CROT: variants seen among roughly 807,000 people sequenced by gnomAD.
CROT encodes the protein carnitine O-octanoyltransferase, also known as peroxisomal carnitine O-octanoyltransferase.
Under a neutral mutation model 89.2 loss-of-function variants are expected in CROT, and 84 were observed. The observed-to-expected ratio is 0.94, with a 90% CI of 0.79 to 1.13. CROT has a LOEUF of 1.13. CROT is among the 50% of genes most tolerant of loss of function. CROT has a pLI of 0.00. For missense variants in CROT, 711 were observed against 727.8 expected, an observed-to-expected ratio of 0.98 and a Z score of 0.27; for synonymous variants, 212 against 239.5, an observed-to-expected ratio of 0.89 and a Z score of 1.06.
At chr7:87,346,992 C>T (rs1805702837) in intron 2 of CROT, among the ~76,000 whole-genome samples, 1 of 152,202 alleles carries the variant, frequency 6.6e-6, no homozygotes, top group Non-Finnish European at 1.5e-5. Context: ...GTAGAATTCA[C>T]ACTGACATTT....
chr7:87,370,729 G>T (rs1806605291), intron 7 of CROT, among the ~76,000 whole-genome samples: 1 of 152,076 alleles, frequency 6.6e-6, no homozygotes, highest in Non-Finnish European at 1.5e-5. Context: ...CCTTCCCAGG[G>T]GCAGTCATTT....
At chr7:87,393,148 T>C in intron 17 of CROT, 81 bp downstream of exon 17, 2 of 1,427,610 alleles carry the variant, frequency 1.4e-6, no homozygotes, top group Non-Finnish European at 1.9e-6. Context: ...TTTCCTACAC[T>C]GTGATTCTTA....
chr7:87,371,097 C>G (rs927673791), intron 7 of CROT, among the ~76,000 whole-genome samples: 2 of 152,158 alleles, frequency 1.3e-5, no homozygotes, highest in African/African-American at 4.8e-5. Flanking sequence ...GTTTATTAAT[C>G]TTTTAATCTT....
In CROT at chr7:87,348,895, T is replaced by C. The variant is rs558249553; in HGVS notation, c.-21-153T>C. Among the ~76,000 whole-genome samples, 184 of 152,366 alleles carry C rather than the reference T, an allele frequency of 1.2e-3. 1 individual carries two copies. Among genetic ancestry groups the C allele is most frequent in the Non-Finnish European group, 2.3e-3 (157 of 68,024 alleles). On this transcript the variant is annotated intron_variant, in intron 2 of 17. Coordinates refer to ENST00000331536, the MANE Select transcript of CROT (RefSeq NM_021151.4). ...ATTCTTTTTAAGTTGGTTTTCTCTA[T>C]CTGACAGATTTATAAATTTCATAAA... is the stretch of plus-strand genomic sequence containing the variant.
At chr7:87,378,346 CAAAA>C (rs33929613) in intron 10 of CROT, among the ~76,000 whole-genome samples, 3 of 132,884 alleles carry the variant, frequency 2.3e-5, no homozygotes, top group Admixed American at 7.6e-5. Flanking sequence ...ACTCCGACTC[CAAAA>C]AAAAAAAAAA....
At chr7:87,364,381 C>T (rs1293436046) in intron 6 of CROT, among the ~76,000 whole-genome samples, 1 of 152,102 alleles carries the variant, frequency 6.6e-6, no homozygotes, top group African/African-American at 2.4e-5. Flanking sequence ...ACAGTGGTCT[C>T]CCAGAGGCCA....
rs1807698339 is a variant in CROT, at chr7:87,399,743, T to C, written c.*1099T>C. The C allele has an allele frequency of 6.6e-6, 1 of 152,246 alleles. No individual in the cohort carries two copies. The highest frequency in any genetic ancestry group is 1.5e-5 in the Non-Finnish European group (1 of 68,050). 9.4% of individuals were successfully genotyped at this position (152,246 alleles called of 1,614,324 possible). ...TTTTTACTCTCAAAAAATGAAATTC[T>C]CAAAATTATATAGCTTTTTGTTTTG... is the stretch of plus-strand genomic sequence containing the variant. On this transcript the variant is annotated 3_prime_UTR_variant, in exon 18 of 18. Transcript: ENST00000331536.
chr7:87,394,263 C>CTAA (rs1807455117), intron 17 of CROT, among the ~76,000 whole-genome samples: 1 of 152,148 alleles, frequency 6.6e-6, no homozygotes, highest in East Asian at 1.9e-4. Context: ...TCACATAATG[C>CTAA]TAATCATCTC....
Position 87,361,951 on chromosome 7 carries a change from T to G in CROT, c.547+99T>G. 2.7e-6 allele frequency: 3 copies of G among 1,095,022 alleles called. No homozygotes were observed. In the South Asian group the frequency reaches 6.6e-5, roughly 24 times the overall value. 67.8% of individuals were successfully genotyped at this position (1,095,022 alleles called of 1,614,324 possible). A position where few individuals can be genotyped will look rare whatever the true frequency, so the allele number is the denominator to read the frequency against. Reference sequence around the variant, plus strand: ...ATACACTTTTGAAGAATATTACTGTTGGGACTTTGACAAAGAAAGGTTTTC... The same window carrying G: ...ATACACTTTTGAAGAATATTACTGTGGGGACTTTGACAAAGAAAGGTTTTC... On this transcript the variant is annotated intron_variant, in intron 6 of 17. Coordinates refer to ENST00000331536, the MANE Select transcript of CROT (RefSeq NM_021151.4).
At position 87,375,726 on chromosome 7, in the gene CROT, G is replaced by A. The variant is rs540964492; in HGVS notation, c.750+1G>A. The A allele has an allele frequency of 1.2e-6, 2 of 1,613,274 alleles. No individual in the cohort carries two copies. The highest frequency in any genetic ancestry group is 2.2e-5 in the South Asian group (2 of 91,048). On this transcript the variant is annotated splice_donor_variant, in intron 8 of 17. Transcript: ENST00000331536. LOFTEE classifies it high-confidence loss of function. Reference sequence around the variant, plus strand: ...TGAGGAGCGAACTCGATGGGCTAAGGTTCTGATTTACACTTTTCTTAACGA... The same window carrying A: ...TGAGGAGCGAACTCGATGGGCTAAGATTCTGATTTACACTTTTCTTAACGA...
At chr7:87,374,517 T>G (rs1023587337) in intron 7 of CROT, among the ~76,000 whole-genome samples, 8 of 151,960 alleles carry the variant, frequency 5.3e-5, no homozygotes, top group African/African-American at 1.9e-4. Flanking sequence ...AATTCAGAGT[T>G]TATGCTAGTA....
intron 9 of CROT, 53 bp downstream of exon 9, chr7:87,376,006 CAT>C (rs1806803001): frequency 6.7e-7 from 1 of 1,486,998 alleles, no homozygotes; most frequent in African/African-American, 1.4e-5. Context: ...CTGGAAGACT[CAT>C]ATTTATTGAA....
At position 87,377,459 on chromosome 7, in the gene CROT, A is replaced by G. The variant is rs755074315; in HGVS notation, c.978+9A>G. 3 of 1,502,424 alleles carry G rather than the reference A, an allele frequency of 2.0e-6. No individual in the cohort carries two copies. The South Asian group carries it at 3.4e-5, about 17-fold the overall frequency. 93.1% of individuals were successfully genotyped at this position (1,502,424 alleles called of 1,614,324 possible). A position where few individuals can be genotyped will look rare whatever the true frequency, so the allele number is the denominator to read the frequency against. On this transcript the variant is annotated intron_variant, in intron 10 of 17. Coordinates refer to ENST00000331536, the MANE Select transcript of CROT (RefSeq NM_021151.4). ...TTGGCTGTAATTGTGATGTAAGTAA[A>G]CTACTGAAATTTTTCTCTTTTGATC... is the stretch of plus-strand genomic sequence containing the variant.
rs374151013 is a variant in CROT at position 87,392,738 on chromosome 7, C to T, written c.1513C>T (p.Arg505Cys). Residue 505 changes from arginine to cysteine, a missense_variant, in exon 16 of 18, where the codon CGT becomes TGT. Physicochemically the swap from Arg to Cys is radical, Grantham distance 180 (BLOSUM62 -3). Transcript: ENST00000331536. ...KDCSAGKGFD[R>C]HLLGLLLIAK... ...TTGGGGTTTCATTGCAGGATTTGAT[C>T]GTCACCTTTTAGGTCTCTTACTCAT... The T allele has an allele frequency of 1.4e-5, 22 of 1,613,120 alleles. No homozygotes were observed. Among genetic ancestry groups the T allele is most frequent in the Middle Eastern group, 1.6e-4 (1 of 6,078 alleles).
Position 87,345,670 on chromosome 7 carries a change from A to G in CROT, c.-210A>G, listed in dbSNP as rs893418316. ...CGGGACCCTAGCGGCCTTCAGTCCA[A>G]TTCCCGCACCTTTGAGGCCCAAGGG... On this transcript the variant is annotated 5_prime_UTR_variant, in exon 1 of 18. Transcript: ENST00000331536. The G allele has an allele frequency of 2.6e-6, 1 of 385,744 alleles. No homozygotes were observed. Among genetic ancestry groups the G allele is most frequent in the Admixed American group, 4.5e-5 (1 of 22,304 alleles). The allele number at this position is 385,744 out of a possible 1,614,324, so 23.9% of individuals were successfully genotyped here.
rs1453317000 is a variant in CROT, at chr7:87,398,912, A to T, written c.*268A>T. 3.0e-6 allele frequency: 1 copy of T among 338,776 alleles called. No homozygotes were observed. The highest frequency in any genetic ancestry group is 5.4e-6 in the Non-Finnish European group (1 of 186,094). 21.0% of individuals were successfully genotyped at this position (338,776 alleles called of 1,614,324 possible). ...AGAACTATGCAGTATTTAAGCCTCA[A>T]CAATCCAAATCTACAAACTTTAACA... is the stretch of plus-strand genomic sequence containing the variant. On this transcript the variant is annotated 3_prime_UTR_variant, in exon 18 of 18. Transcript: ENST00000331536.
At position 87,392,795 on chromosome 7, in the gene CROT, C is replaced by T. The variant is rs1807409676; in HGVS notation, c.1570C>T (p.Leu524Phe). ...AGAGGAAGGTCTTCCTGTTCCAGAA[C>T]TCTTTACGGACCCACTTTTTTCCAA... Reference protein sequence around the residue: ...AKEEGLPVPELFTDPLFSKSG... With the variant: ...AKEEGLPVPEFFTDPLFSKSG... Residue 524 changes from leucine (L) to phenylalanine (F), a missense_variant, in exon 16 of 18, where the codon CTC becomes TTC. Leu to Phe is a conservative substitution (Grantham distance 22). Coordinates refer to ENST00000331536, the MANE Select transcript of CROT (RefSeq NM_021151.4). 6.2e-7 allele frequency: 1 copy of T among 1,613,550 alleles called. No individual in the cohort carries two copies. Among genetic ancestry groups the T allele is most frequent in the African/African-American group, 1.3e-5 (1 of 74,890 alleles).
chr7:87,359,041 G>A (rs746392082), intron 3 of CROT, among the ~76,000 whole-genome samples, 165 bp from the exon 4 acceptor site: 2 of 151,922 alleles, frequency 1.3e-5, no homozygotes, highest in Non-Finnish European at 1.5e-5. Flanking sequence ...TTTCTTTTCC[G>A]CCACTTTCAT....
At chr7:87,382,941 A>G (rs576533185) in intron 13 of CROT, among the ~76,000 whole-genome samples, 2 of 152,340 alleles carry the variant, frequency 1.3e-5, no homozygotes, top group South Asian at 2.1e-4. Flanking sequence ...AATACATCCT[A>G]AGAAGAAGTA....
Sources: allele counts gnomAD v4.1 joint callset (sites outside exome capture counted in the v4.1 genomes callset), GRCh38; gene constraint gnomAD v4.1.1; transcripts MANE v1.5; gene names NCBI Gene and HGNC (gene_info 2026-07-23, HGNC 2026-07-21).